The following CHAF1A variants were observed in gnomAD, a reference collection of about 807,000 sequenced individuals.
The protein encoded by CHAF1A is chromatin assembly factor 1 subunit A.
CHAF1A carries 5 observed loss-of-function variants against 93.2 expected under a neutral mutation model. The ratio of observed to expected loss-of-function variants is 0.05; its 90% CI spans 0.03 to 0.11. CHAF1A has a LOEUF of 0.11. CHAF1A is among the 10% of genes least tolerant of loss of function. CHAF1A has a pLI of 1.00. For missense variants in CHAF1A, 1,102 were observed against 1,259.9 expected, an observed-to-expected ratio of 0.87 and a Z score of 1.90; for synonymous variants, 504 against 510.3, an observed-to-expected ratio of 0.99 and a Z score of 0.17.
At chr19:4,447,377 T>C (rs1044378498), downstream of CHAF1A, 49 of 654,892 alleles carry the variant, frequency 7.5e-5, no homozygotes, top group Middle Eastern at 1.2e-3. Flanking sequence ...ATAAAAGTCT[T>C]GCTCTCCATC....
downstream of CHAF1A, chr19:4,446,254 C>T (rs1286131182): frequency 6.4e-6 from 10 of 1,568,974 alleles, no homozygotes; most frequent in East Asian, 2.3e-5. Context: ...CAACCCGAGC[C>T]GCCCTCCACG....
At chr19:4,420,246 T>G (rs532425750) in intron 4 of CHAF1A, among the ~76,000 whole-genome samples, 6 of 65,980 alleles carry the variant, frequency 9.1e-5, no homozygotes, top group African/African-American at 3.4e-4. Flanking sequence ...CAGGTGAGCG[T>G]TTTTTTTTTT....
intron 12 of CHAF1A, 114 bp downstream of exon 12, chr19:4,432,321 T>G: frequency 2.5e-6 from 3 of 1,222,420 alleles, no homozygotes; most frequent in Non-Finnish European, 3.3e-6. Context: ...TTTCCACAAA[T>G]AACAGAGGCC....
At chr19:4,447,682 C>T (rs912969527), downstream of CHAF1A, 1 of 1,559,064 alleles carries the variant, frequency 6.4e-7, no homozygotes, top group Non-Finnish European at 8.8e-7. Context: ...CCCGGCCCCT[C>T]TGTGCCTCCT....
intron 4 of CHAF1A, among the ~76,000 whole-genome samples, chr19:4,419,556 A>C (rs1568434213): frequency 6.6e-6 from 1 of 151,760 alleles, no homozygotes; most frequent in Non-Finnish European, 1.5e-5. Context: ...CAGCCTCTCG[A>C]GTAGCTGGGA....
chr19:4,418,145 C>A, intron 4 of CHAF1A, 69 bp downstream of exon 4: 1 of 1,040,386 alleles, frequency 9.6e-7, no homozygotes, highest in South Asian at 1.4e-5. Context: ...AAGCAAAGCC[C>A]TTTGAAGTTC....
At position 4,442,264 on chromosome 19, in the gene CHAF1A, A is replaced by G; in HGVS notation, c.2693A>G (p.Asp898Gly). The G allele has an allele frequency of 1.2e-6, 2 of 1,613,978 alleles. No homozygotes were observed. The highest frequency in any genetic ancestry group is 1.7e-6 in the Non-Finnish European group (2 of 1,179,954). ...GTCCAGATTGGTGCTGAAGACATGG[A>G]CGGCTTCCAGGCAGACACGGAGGAG... is the stretch of plus-strand genomic sequence containing the variant. Reference protein sequence around the residue: ...HDGQIGAEDMDGFQADTEEEE... With the variant: ...HDGQIGAEDMGGFQADTEEEE... The change falls in exon 14 of 15, where the codon GAC becomes GGC. Residue 898 changes from aspartate (D) to glycine (G), a missense_variant. Around this residue, in one of 6 missense-constraint regions of CHAF1A, gnomAD observed 119 missense variants for 102.2 expected, o/e 1.16. Transcript: ENST00000301280.
chr19:4,429,495 T>G lies in CHAF1A; in HGVS notation c.1662T>G (p.Phe554Leu), dbSNP rs756209809. 1 of 1,613,800 alleles carries G rather than the reference T, an allele frequency of 6.2e-7. No homozygotes were observed. Among genetic ancestry groups the G allele is most frequent in the Admixed American group, 1.7e-5 (1 of 59,994 alleles). ...ACGGTGTTCCCGAGAGGAGGAAGTT[T>G]GGCAGGATGAAGCTCCTGCAGTTCT... ...KGDGVPERRK[F>L]GRMKLLQFCE... Residue 554 changes from phenylalanine (F) to leucine (L), a missense_variant, in exon 9 of 15, where the codon TTT becomes TTG. Physicochemically the swap from Phe to Leu is conservative, Grantham distance 22. Coordinates refer to ENST00000301280, the MANE Select transcript of CHAF1A (RefSeq NM_005483.3).
intron 13 of CHAF1A, among the ~76,000 whole-genome samples, chr19:4,439,018 C>T (rs891608505): frequency 2.6e-5 from 4 of 151,082 alleles, no homozygotes; most frequent in Non-Finnish European, 4.4e-5. Flanking sequence ...CAGTGGCTCA[C>T]GCTTGTAATC....
chr19:4,446,032 T>C, downstream of CHAF1A: 1 of 1,600,900 alleles, frequency 6.2e-7, no homozygotes, highest in Non-Finnish European at 8.5e-7. Context: ...GCGGTGCTCC[T>C]GCGGGCCGAC....
Position 4,409,161 on chromosome 19 carries a change from A to G in CHAF1A, c.362A>G (p.Glu121Gly). Residue 121 changes from glutamate to glycine, a missense_variant, in exon 3 of 15, where the codon GAG becomes GGG. By Grantham distance (98) the Glu-to-Gly change is moderately conservative (BLOSUM62 -2). This residue lies in a region of CHAF1A where 379 missense variants were observed against 365.7 expected (regional missense o/e 1.04). Coordinates refer to ENST00000301280, the MANE Select transcript of CHAF1A (RefSeq NM_005483.3). ...GQSTVIIDLT[E>G]DSNEQPDSLV... is the part of the protein sequence containing the mutation. ...AGCACAGTCATCATTGATTTGACAGAGGACTCGAATGAGCAGCCAGACAGT... is the reference window on the plus strand; with the variant it reads ...AGCACAGTCATCATTGATTTGACAGGGGACTCGAATGAGCAGCCAGACAGT... 1.2e-5 allele frequency: 19 copies of G among 1,614,214 alleles called. No homozygotes were observed. The highest frequency in any genetic ancestry group is 1.6e-5 in the Non-Finnish European group (19 of 1,180,046).
At chr19:4,405,839 C>T in intron 1 of CHAF1A, 73 bp from the exon 2 acceptor site, 1 of 1,340,784 alleles carries the variant, frequency 7.5e-7, no homozygotes, top group South Asian at 1.2e-5. Context: ...ACATAATTGG[C>T]TCTACATATG....
downstream of CHAF1A, chr19:4,448,079 AG>A (rs1974575774): frequency 7.0e-6 from 4 of 572,772 alleles, no homozygotes; most frequent in South Asian, 8.4e-5. Flanking sequence ...CAAGGAAGCC[AG>A]GGTGGGAAAC....
chr19:4,440,334 C>T (rs920909428), intron 13 of CHAF1A, among the ~76,000 whole-genome samples: 1 of 151,650 alleles, frequency 6.6e-6, no homozygotes, highest in African/African-American at 2.4e-5. Flanking sequence ...GGGTCAGGTG[C>T]GGTGGCTCAC....
At position 4,433,055 on chromosome 19, in the gene CHAF1A, G is replaced by T. The variant is rs1461879857; in HGVS notation, c.2204-15G>T. On this transcript the variant is annotated splice_polypyrimidine_tract_variant and intron_variant, in intron 12 of 14. Coordinates refer to ENST00000301280, the MANE Select transcript of CHAF1A (RefSeq NM_005483.3). The surrounding 1 kb of genome is among the most constrained non-coding windows in gnomAD (Gnocchi z 5.6). ...CTCCCCAAGCCTCATGCCCACCCAT[G>T]TTCCCTCCTGCCAGTCCTGGCCCAG... 6.5e-7 allele frequency: 1 copy of T among 1,532,100 alleles called. No homozygotes were observed. Among genetic ancestry groups the T allele is most frequent in the Non-Finnish European group, 8.8e-7 (1 of 1,132,442 alleles). The allele number at this position is 1,532,100 out of a possible 1,614,324, so 94.9% of individuals were successfully genotyped here.
At chr19:4,423,103 G>T (rs1021409768) in intron 5 of CHAF1A, among the ~76,000 whole-genome samples, 1 of 152,164 alleles carries the variant, frequency 6.6e-6, no homozygotes, top group Non-Finnish European at 1.5e-5. Flanking sequence ...TGCTAATTGT[G>T]CTCTGACTGG....
chr19:4,441,121 C>A (rs1974380405), intron 13 of CHAF1A, among the ~76,000 whole-genome samples: 1 of 151,914 alleles, frequency 6.6e-6, no homozygotes, highest in South Asian at 2.1e-4. Context: ...AGTTCGAGAC[C>A]AGCCTGGCAA....
chr19:4,437,683 C>T (rs1409391422), intron 13 of CHAF1A, among the ~76,000 whole-genome samples: 3 of 152,048 alleles, frequency 2.0e-5, no homozygotes, highest in Non-Finnish European at 4.4e-5. Context: ...TGGTGTACAT[C>T]CATATTTTTT....
chr19:4,433,451 G>C lies in CHAF1A; in HGVS notation c.2585G>C (p.Ser862Thr). Residue 862 changes from serine to threonine, a missense_variant, in exon 13 of 15, where the codon AGC becomes ACC. Around this residue, in one of 6 missense-constraint regions of CHAF1A, gnomAD observed 76 missense variants for 129.8 expected, o/e 0.59. Coordinates refer to ENST00000301280, the MANE Select transcript of CHAF1A (RefSeq NM_005483.3). This position sits in a 1 kb window ranked among gnomAD's most constrained non-coding sequence, Gnocchi z 5.6. ...GGCAGCGTCCCCTCCACGGGGCCCA[G>C]CCAGGGCACTCCCATCTCGCTGAAG... is the stretch of plus-strand genomic sequence containing the variant. Reference protein sequence around the residue: ...DSGSVPSTGPSQGTPISLKRK... With the variant: ...DSGSVPSTGPTQGTPISLKRK... The C allele has an allele frequency of 1.9e-6, 3 of 1,606,312 alleles. No homozygotes were observed. The highest frequency in any genetic ancestry group is 2.6e-6 in the Non-Finnish European group (3 of 1,173,856).
Sources: allele counts gnomAD v4.1 joint callset (sites outside exome capture counted in the v4.1 genomes callset), GRCh38; gene constraint gnomAD v4.1.1; regional missense constraint gnomAD v4.1.1; non-coding constraint Gnocchi (gnomAD v3.1); transcripts MANE v1.5; gene names NCBI Gene and HGNC (gene_info 2026-07-23, HGNC 2026-07-21).